EXOC4: variants seen among roughly 807,000 people sequenced by gnomAD.
EXOC4 encodes exocyst complex component 4.
Under a neutral mutation model 107.2 loss-of-function variants are expected in EXOC4, and 71 were observed. That is an observed-to-expected ratio of 0.66 (90% CI 0.55 to 0.81). The LOEUF (loss-of-function observed/expected upper bound fraction) is 0.81. Among genes scored for constraint, EXOC4 ranks in the 30% least tolerant of loss-of-function variants. The pLI is 0.00. For synonymous variants in EXOC4, 456 were observed against 441.2 expected, an observed-to-expected ratio of 1.03 and a Z score of -0.42; for missense variants, 1,108 against 1,189.6, an observed-to-expected ratio of 0.93 and a Z score of 1.01.
At chr7:133,484,211 G>T in intron 9 of EXOC4, 2 of 1,492,692 alleles carry the variant, frequency 1.3e-6, no homozygotes, top group South Asian at 1.3e-5. Context: ...GATTTCTTTG[G>T]TGTTATCAAT....
At chr7:133,480,177 G>A (rs1179286649) in intron 9 of EXOC4, 39 bp downstream of exon 9, 1 of 1,607,276 alleles carries the variant, frequency 6.2e-7, no homozygotes, top group South Asian at 1.1e-5. Context: ...TAATTTTCTG[G>A]AGGAGTATTT....
At chr7:133,849,828 T>TTA (rs1412106947) in intron 11 of EXOC4, among the ~76,000 whole-genome samples, 1 of 152,206 alleles carries the variant, frequency 6.6e-6, no homozygotes, top group East Asian at 1.9e-4. Flanking sequence ...TCTTACCAAA[T>TTA]TAATACAACT....
At position 133,917,642 on chromosome 7, in the gene EXOC4, A is replaced by G. The variant is rs376931909; in HGVS notation, c.1931A>G (p.Asp644Gly). Residue 644 changes from aspartate (D) to glycine (G), a missense_variant, in exon 13 of 18, where the codon GAT becomes GGT. Coordinates refer to ENST00000253861, the MANE Select transcript of EXOC4 (RefSeq NM_021807.4). ...AGTGCATCCTGGGCAAAAGATGATG[A>G]TATCAGCAGACTCTTGAAATCTCTA... is the stretch of plus-strand genomic sequence containing the variant. Reference protein sequence around the residue: ...VISASWAKDDDISRLLKSLPN... With the variant: ...VISASWAKDDGISRLLKSLPN... 1.9e-6 allele frequency: 3 copies of G among 1,614,130 alleles called. No homozygotes were observed. The highest frequency in any genetic ancestry group is 1.1e-5 in the South Asian group (1 of 91,074).
rs186105480 is a variant in EXOC4 at position 133,344,368 on chromosome 7, A to T, written c.764-11962A>T. Among the ~76,000 whole-genome samples, 4 of 152,308 alleles carry T rather than the reference A, an allele frequency of 2.6e-5. No homozygotes were observed. In the East Asian group the frequency reaches 7.7e-4, roughly 29 times the overall value. The stretch of plus-strand genomic sequence containing the variant: ...GTGTTGGATATTCTGTCTTTTTAAA[A>T]TAATACTTCAGTATGAGTCTGTTCA... On this transcript the variant is annotated intron_variant, in intron 5 of 17. Transcript: ENST00000253861.
chr7:133,971,212 G>A (rs1006174261), intron 14 of EXOC4, among the ~76,000 whole-genome samples: 16 of 151,656 alleles, frequency 1.1e-4, no homozygotes, highest in African/African-American at 2.7e-4. Flanking sequence ...AGGACTTGAC[G>A]AGTAAGAGAT....
intron 9 of EXOC4, among the ~76,000 whole-genome samples, chr7:133,513,105 A>C (rs7777241): frequency 0.77 from 116,741 of 152,222 alleles, 45,544 homozygotes; most frequent in East Asian, 0.95. Context: ...ACTTCATCTC[A>C]AAAAAATATA....
chr7:133,706,396 T>C (rs76391725), intron 10 of EXOC4, among the ~76,000 whole-genome samples: 91 of 152,346 alleles, frequency 6.0e-4, no homozygotes, highest in African/African-American at 2.1e-3. Flanking sequence ...TTTGTACTTA[T>C]ATTTACATTT....
chr7:133,640,602 G>A (rs989284754), intron 10 of EXOC4, among the ~76,000 whole-genome samples: 1 of 152,240 alleles, frequency 6.6e-6, no homozygotes, highest in African/African-American at 2.4e-5. Context: ...GTGTCCAGCA[G>A]AGCAGTGAGC....
intron 10 of EXOC4, among the ~76,000 whole-genome samples, chr7:133,637,376 C>T (rs189717906): frequency 5.9e-4 from 90 of 152,198 alleles, no homozygotes; most frequent in Non-Finnish European, 1.1e-3. Flanking sequence ...TTGTTCTACC[C>T]ATGTCAGTTT....
chr7:133,481,154 T>A (rs1799147765), intron 9 of EXOC4: 1 of 151,570 alleles, frequency 6.6e-6, no homozygotes, highest in South Asian at 2.1e-4. Flanking sequence ...CAAAGAAATA[T>A]AAAGCTTAAA....
At chr7:133,669,194 G>A (rs1296024246) in intron 10 of EXOC4, among the ~76,000 whole-genome samples, 1 of 152,014 alleles carries the variant, frequency 6.6e-6, no homozygotes, top group Non-Finnish European at 1.5e-5. Context: ...ACTGGAGGGA[G>A]GGGTAAGGAG....
At chr7:133,269,809 C>A (rs1037768904) in intron 1 of EXOC4, among the ~76,000 whole-genome samples, 3 of 152,128 alleles carry the variant, frequency 2.0e-5, no homozygotes, top group Non-Finnish European at 4.4e-5. Flanking sequence ...CACTTCTCAG[C>A]ACATCTGAGA....
At chr7:133,354,049 A>G (rs1474463239) in intron 5 of EXOC4, among the ~76,000 whole-genome samples, 1 of 150,944 alleles carries the variant, frequency 6.6e-6, no homozygotes, top group Admixed American at 6.6e-5. Flanking sequence ...ATTTTTTGTT[A>G]TTTGAGCATC....
Position 133,285,505 on chromosome 7 carries a change from CT to C in EXOC4, c.277-3413del, listed in dbSNP as rs1794254903. ...GGTATATCATTCCTTTGTCTTCTAG[CT>C]TTTAATGTTGCTGCTGAGAGAAATC... On this transcript the variant is annotated intron_variant, in intron 2 of 17. Transcript: ENST00000253861. Among the ~76,000 whole-genome samples, 2 of 152,174 alleles carry C rather than the reference CT, an allele frequency of 1.3e-5. 1 individual carries two copies. Among genetic ancestry groups the C allele is most frequent in the South Asian group, 4.1e-4 (2 of 4,826 alleles).
intron 2 of EXOC4, among the ~76,000 whole-genome samples, chr7:133,281,388 A>C (rs1047991537): frequency 9.3e-5 from 14 of 150,894 alleles, no homozygotes; most frequent in African/African-American, 3.1e-4. Context: ...CCATGGAAAA[A>C]ATTGGGTTGG....
At chr7:134,042,085 C>T (rs1795533771) in intron 17 of EXOC4, among the ~76,000 whole-genome samples, 1 of 152,062 alleles carries the variant, frequency 6.6e-6, no homozygotes, top group African/African-American at 2.4e-5. Context: ...ATTGAGAAAG[C>T]TCAGCGAGCG....
intron 10 of EXOC4, among the ~76,000 whole-genome samples, chr7:133,763,173 C>A (rs1796068188): frequency 6.6e-6 from 1 of 152,108 alleles, no homozygotes; most frequent in African/African-American, 2.4e-5. Flanking sequence ...AAACAAGTTC[C>A]TGGTGTCAAC....
chr7:133,816,112 A>G (rs2550987), intron 10 of EXOC4, among the ~76,000 whole-genome samples: 146,364 of 152,258 alleles, frequency 0.96, 70,643 homozygotes, highest in East Asian at 1. Flanking sequence ...AACACACATC[A>G]GTTATTTACA....
chr7:133,795,893 A>T (rs1796803604), intron 10 of EXOC4, among the ~76,000 whole-genome samples: 1 of 152,184 alleles, frequency 6.6e-6, no homozygotes, highest in Non-Finnish European at 1.5e-5. Flanking sequence ...CGTTTTAAAA[A>T]CATCCTTAAG....
Sources: gnomAD v4.1 joint callset for allele counts (sites outside exome capture counted in the v4.1 genomes callset) on GRCh38, gnomAD v4.1.1 for gene constraint, MANE v1.5 for transcripts, NCBI Gene and HGNC (gene_info 2026-07-23, HGNC 2026-07-21) for gene names.